The following DENND1A variants were observed in gnomAD, a reference collection of about 807,000 sequenced individuals.
DENND1A encodes DENN domain containing 1A.
In DENND1A, 51 loss-of-function variants were observed where a neutral mutation model predicts 113.7. The observed-to-expected ratio is 0.45, with a 90% CI of 0.36 to 0.57. The LOEUF (loss-of-function observed/expected upper bound fraction) is 0.57. DENND1A is among the 20% of genes least tolerant of loss of function. The probability of loss-of-function intolerance (pLI) is 0.00; values close to 1 mark genes in which losing one functional copy is unlikely to be tolerated. For synonymous variants in DENND1A, 565 were observed against 570.8 expected (o/e 0.99, Z 0.14); for missense variants, 1,258 against 1,395.9 (o/e 0.90, Z 1.57).
intron 2 of DENND1A, among the ~76,000 whole-genome samples, chr9:123,844,401 A>G (rs989089563): frequency 1.3e-5 from 2 of 152,198 alleles, no homozygotes; most frequent in Non-Finnish European, 2.9e-5. Context: ...ATTTTTAAAA[A>G]TCAATTCTAT....
intron 18 of DENND1A, among the ~76,000 whole-genome samples, chr9:123,449,549 A>G (rs1420008921): frequency 6.6e-6 from 1 of 151,502 alleles, no homozygotes; most frequent in East Asian, 1.9e-4. Flanking sequence ...AAAAAAAAAA[A>G]GGTGGCAACA....
intron 1 of DENND1A, among the ~76,000 whole-genome samples, chr9:123,886,283 G>T (rs758734098): frequency 6.6e-6 from 1 of 151,684 alleles, no homozygotes; most frequent in Non-Finnish European, 1.5e-5. Context: ...TATGAGATTA[G>T]GAGAAAAATG....
At chr9:123,540,512 T>C (rs917537530) in intron 13 of DENND1A, among the ~76,000 whole-genome samples, 1 of 152,056 alleles carries the variant, frequency 6.6e-6, no homozygotes, top group Non-Finnish European at 1.5e-5. Context: ...GGTATTAAGA[T>C]GACATAAGCC....
rs148685832 is a variant in DENND1A, at chr9:123,500,234, T to A, written c.994-42337A>T. ...CCACCTGGATATGCCATGATCTTTG[T>A]CTCAAAATGAACAAACACTTGTAAA... On this transcript the variant is annotated intron_variant, in intron 13 of 23. Transcript: ENST00000394215. 8.7e-4 allele frequency among the ~76,000 whole-genome samples: 132 copies of A among 152,316 alleles called. No homozygotes were observed. In the Middle Eastern group the frequency reaches 0.01, roughly 12 times the overall value.
chr9:123,508,677 A>G (rs935256901), intron 13 of DENND1A, among the ~76,000 whole-genome samples: 7 of 152,246 alleles, frequency 4.6e-5, no homozygotes, highest in Non-Finnish European at 8.8e-5. Flanking sequence ...ACGTGGCATG[A>G]ACATCTAAAT....
At chr9:123,466,999 C>T (rs143911475) in intron 13 of DENND1A, among the ~76,000 whole-genome samples, 29 of 152,100 alleles carry the variant, frequency 1.9e-4, no homozygotes, top group Non-Finnish European at 3.1e-4. Context: ...TGCAGTGAGC[C>T]GTGATCACAC....
intron 13 of DENND1A, among the ~76,000 whole-genome samples, chr9:123,540,955 T>G (rs566753083): frequency 2.0e-5 from 3 of 152,218 alleles, no homozygotes; most frequent in Non-Finnish European, 2.9e-5. Context: ...CGACTCTTTC[T>G]TCTTGGCACC....
At chr9:123,647,427 A>T (rs936652220) in intron 9 of DENND1A, among the ~76,000 whole-genome samples, 1 of 152,214 alleles carries the variant, frequency 6.6e-6, no homozygotes, top group African/African-American at 2.4e-5. Context: ...CGTATTTATT[A>T]TTTGACCCTT....
intron 5 of DENND1A, among the ~76,000 whole-genome samples, chr9:123,715,262 C>G (rs1376444705): frequency 6.6e-6 from 1 of 152,162 alleles, no homozygotes; most frequent in Non-Finnish European, 1.5e-5. Flanking sequence ...AATGAGAATA[C>G]TCAATTCTTG....
At chr9:123,510,305 T>C (rs1308501538) in intron 13 of DENND1A, among the ~76,000 whole-genome samples, 1 of 152,254 alleles carries the variant, frequency 6.6e-6, no homozygotes, top group African/African-American at 2.4e-5. Flanking sequence ...GTTGATTACA[T>C]CTTTATACAT....
At chr9:123,897,383 C>G (rs1271192068) in intron 1 of DENND1A, among the ~76,000 whole-genome samples, 1 of 152,138 alleles carries the variant, frequency 6.6e-6, no homozygotes, top group Non-Finnish European at 1.5e-5. Context: ...AGAAAAGAGG[C>G]AGCAGCCTAC....
intron 9 of DENND1A, among the ~76,000 whole-genome samples, chr9:123,633,523 C>T (rs867865052): frequency 6.6e-6 from 1 of 152,084 alleles, no homozygotes; most frequent in African/African-American, 2.4e-5. Context: ...GCCTGTGATC[C>T]CAGCTCTTTG....
intron 10 of DENND1A, among the ~76,000 whole-genome samples, chr9:123,612,657 A>G (rs567708870): frequency 6.6e-6 from 1 of 152,326 alleles, no homozygotes; most frequent in South Asian, 2.1e-4. Context: ...TGCTATCCCT[A>G]GAGTAGACAT....
intron 21 of DENND1A, among the ~76,000 whole-genome samples, chr9:123,393,931 G>C (rs1245816620): frequency 6.6e-6 from 1 of 152,162 alleles, no homozygotes; most frequent in South Asian, 2.1e-4. Flanking sequence ...GGACAATGGT[G>C]GGGGCGTGCC....
chr9:123,835,032 A>C (rs1480178723), intron 2 of DENND1A, among the ~76,000 whole-genome samples: 1 of 152,148 alleles, frequency 6.6e-6, no homozygotes, highest in Admixed American at 6.5e-5. Context: ...GGCAACATTA[A>C]TTACAAATCA....
rs749547550 is a variant in DENND1A at position 123,451,231 on chromosome 9, CT to C, written c.1300-483del. ...AATCTCATTTTGGCAGACACCCTGGCTTTGATTTCAGGTCATTTTAGACCTG... is the reference window on the plus strand; with the variant it reads ...AATCTCATTTTGGCAGACACCCTGGCTTGATTTCAGGTCATTTTAGACCTG... On this transcript the variant is annotated intron_variant, in intron 17 of 23. Transcript: ENST00000394215. Among the ~76,000 whole-genome samples, 10 of 152,312 alleles carry C rather than the reference CT, an allele frequency of 6.6e-5. No individual in the cohort carries two copies. In the South Asian group the frequency reaches 8.3e-4, roughly 13 times the overall value.
intron 8 of DENND1A, among the ~76,000 whole-genome samples, chr9:123,659,129 C>G (rs1211315468): frequency 6.6e-6 from 1 of 152,216 alleles, no homozygotes. Flanking sequence ...TAAATACCAG[C>G]TCCTTCCTCT....
intron 5 of DENND1A, among the ~76,000 whole-genome samples, chr9:123,749,856 G>A (rs1263445993): frequency 1.3e-5 from 2 of 152,178 alleles, no homozygotes; most frequent in African/African-American, 2.4e-5. Flanking sequence ...ACAAGGAAGT[G>A]TTCTGTTTCC....
At chr9:123,859,479 G>T (rs1041670540) in intron 2 of DENND1A, among the ~76,000 whole-genome samples, 3 of 151,306 alleles carry the variant, frequency 2.0e-5, no homozygotes, top group Admixed American at 6.6e-5. Flanking sequence ...GTTCAGAGAG[G>T]TTAAATTACC....
Sources: allele counts gnomAD v4.1 joint callset (sites outside exome capture counted in the v4.1 genomes callset), GRCh38; gene constraint gnomAD v4.1.1; transcripts MANE v1.5; gene names NCBI Gene and HGNC (gene_info 2026-07-23, HGNC 2026-07-21).